Variants in SAMMSON observed in about 807,000 individuals in gnomAD.
The protein encoded by SAMMSON is survival associated mitochondrial melanoma specific oncogenic non-coding RNA, also known as long intergenic non-protein coding RNA 1212.
chr3:70,321,678 C>G (rs1045193655), intron 7 of SAMMSON, among the ~76,000 whole-genome samples: 2 of 151,980 alleles, frequency 1.3e-5, no homozygotes, highest in African/African-American at 2.4e-5. Context: ...CTTCATTACC[C>G]TATAAAATTA....
chr3:70,298,730 G>A (rs1702316182), intron 7 of SAMMSON, among the ~76,000 whole-genome samples: 1 of 152,016 alleles, frequency 6.6e-6, no homozygotes, highest in East Asian at 1.9e-4. Context: ...TTTATTTGTT[G>A]TAATGAGTGC....
At chr3:70,253,140 A>C (rs560037349) in intron 6 of SAMMSON, among the ~76,000 whole-genome samples, 1 of 152,306 alleles carries the variant, frequency 6.6e-6, no homozygotes, top group South Asian at 2.1e-4. Flanking sequence ...TTGGATTGTG[A>C]TAAGTGCTAA....
Position 70,173,395 on chromosome 3 carries a change from G to A in SAMMSON, n.508-75712G>A, listed in dbSNP as rs151303437. On this transcript the variant is annotated intron_variant and non_coding_transcript_variant, in intron 4 of 9. Transcript: ENST00000642114. ...GGCTTTTCAAAATCCATTAAAAATAGCTTTTGGATATTTCAAATAATGATA... is the reference window on the plus strand; with the variant it reads ...GGCTTTTCAAAATCCATTAAAAATAACTTTTGGATATTTCAAATAATGATA... Among the ~76,000 whole-genome samples, 552 of 151,888 alleles carry A rather than the reference G, an allele frequency of 3.6e-3. 2 individuals are homozygous for A. Among genetic ancestry groups the A allele is most frequent in the South Asian group, 0.011 (53 of 4,810 alleles).
At chr3:70,185,779 T>C (rs1327648146) in intron 4 of SAMMSON, among the ~76,000 whole-genome samples, 1 of 136,598 alleles carries the variant, frequency 7.3e-6, no homozygotes, top group East Asian at 2.1e-4. Flanking sequence ...GAGGGTTGCT[T>C]GAGCAGCATA....
intron 4 of SAMMSON, among the ~76,000 whole-genome samples, chr3:70,228,550 T>G (rs1559540138): frequency 6.6e-6 from 1 of 152,026 alleles, no homozygotes; most frequent in East Asian, 1.9e-4. Flanking sequence ...GTTTGTTTTC[T>G]AATGTCTAGA....
At chr3:70,324,212 A>G (rs112511172) in intron 7 of SAMMSON, among the ~76,000 whole-genome samples, 33 of 150,454 alleles carry the variant, frequency 2.2e-4, no homozygotes, top group Admixed American at 6.0e-4. Context: ...CTATCTATCT[A>G]TCCACACACA....
At chr3:70,006,852 G>A (rs1156462070) in intron 1 of SAMMSON, among the ~76,000 whole-genome samples, 15 of 132,726 alleles carry the variant, frequency 1.1e-4, no homozygotes, top group Non-Finnish European at 2.0e-4. Context: ...CTGTGTCCAT[G>A]TGCTCTCATT....
chr3:70,005,399 T>A (rs1292030163), intron 1 of SAMMSON, among the ~76,000 whole-genome samples: 3 of 152,176 alleles, frequency 2.0e-5, no homozygotes, highest in African/African-American at 4.8e-5. Context: ...AGATGCTACT[T>A]ACTTGTCCCA....
chr3:70,254,114 T>G (rs1164358002), intron 6 of SAMMSON, among the ~76,000 whole-genome samples: 1 of 148,468 alleles, frequency 6.7e-6, no homozygotes, highest in Non-Finnish European at 1.5e-5. Context: ...TTAAAATTTT[T>G]TGGTAATTGT....
intron 7 of SAMMSON, among the ~76,000 whole-genome samples, chr3:70,310,370 A>G (rs953073766): frequency 6.6e-6 from 1 of 151,548 alleles, no homozygotes; most frequent in African/African-American, 2.4e-5. Flanking sequence ...TTTATGTATT[A>G]TTATTATTTT....
intron 3 of SAMMSON, among the ~76,000 whole-genome samples, chr3:70,052,315 A>G (rs1188270512): frequency 6.6e-6 from 1 of 152,104 alleles, no homozygotes; most frequent in African/African-American, 2.4e-5. Flanking sequence ...CAGTGTCAAA[A>G]AATATATTTT....
At chr3:70,328,377 T>C (rs1702596161) in intron 7 of SAMMSON, among the ~76,000 whole-genome samples, 1 of 152,130 alleles carries the variant, frequency 6.6e-6, no homozygotes, top group South Asian at 2.1e-4. Flanking sequence ...ACATAGGTGA[T>C]AGAATTGGTA....
chr3:70,329,842 G>A (rs377150039), intron 7 of SAMMSON, among the ~76,000 whole-genome samples: 1 of 151,930 alleles, frequency 6.6e-6, no homozygotes, highest in East Asian at 1.9e-4. Flanking sequence ...GTTTCTAATT[G>A]AATAAGCAGA....
chr3:70,242,934 C>T (rs937222742), intron 4 of SAMMSON, among the ~76,000 whole-genome samples: 4 of 151,980 alleles, frequency 2.6e-5, no homozygotes, highest in Non-Finnish European at 4.4e-5. Context: ...AAAAAACAAC[C>T]ATCAAAAAAA....
chr3:70,123,120 C>T (rs1053492747), intron 4 of SAMMSON, among the ~76,000 whole-genome samples: 1 of 152,154 alleles, frequency 6.6e-6, no homozygotes, highest in African/African-American at 2.4e-5. Context: ...ATGGGGCTAC[C>T]CACAGACTTC....
chr3:70,139,797 T>C (rs931336666), intron 4 of SAMMSON, among the ~76,000 whole-genome samples: 2 of 152,166 alleles, frequency 1.3e-5, no homozygotes, highest in African/African-American at 4.8e-5. Context: ...TTCCATTGTA[T>C]TGGACAATAG....
At chr3:70,154,136 C>T (rs7433290) in intron 4 of SAMMSON, among the ~76,000 whole-genome samples, 150,119 of 152,006 alleles carry the variant, frequency 0.99, 74,154 homozygotes, top group East Asian at 1. Flanking sequence ...TTTAAAGCAA[C>T]ATTTAATTAC....
intron 4 of SAMMSON, among the ~76,000 whole-genome samples, chr3:70,221,333 G>T (rs2106736937): frequency 6.6e-6 from 1 of 152,196 alleles, no homozygotes; most frequent in East Asian, 1.9e-4. Context: ...AAAACCCAAT[G>T]CGGAAGTTAT....
chr3:70,003,157 G>C (rs1400944901), intron 1 of SAMMSON, among the ~76,000 whole-genome samples: 1 of 151,902 alleles, frequency 6.6e-6, no homozygotes, highest in Admixed American at 6.6e-5. Context: ...TTATTTCACA[G>C]TTTCCATTTT....
Sources: allele counts gnomAD v4.1 joint callset (sites outside exome capture counted in the v4.1 genomes callset), GRCh38; gene constraint gnomAD v4.1.1; transcripts MANE v1.5; gene names NCBI Gene and HGNC (gene_info 2026-07-23, HGNC 2026-07-21).